The following OPRPN variants were observed in gnomAD, a reference collection of about 807,000 sequenced individuals.
The protein encoded by OPRPN is opiorphin prepropeptide.
Under a neutral mutation model 2.2 loss-of-function variants are expected in OPRPN, and 1 was observed. The observed-to-expected ratio is 0.45, with a 90% confidence interval of 0.16 to 2.15. The LOEUF is 2.15. Ranked by LOEUF, OPRPN falls within the 30% of genes most tolerant of loss-of-function variation. OPRPN has a pLI of 0.28. For synonymous variants in OPRPN, 126 were observed against 111.5 expected, an observed-to-expected ratio of 1.13 and a Z score of -0.82; for missense variants, 306 against 297.3, an observed-to-expected ratio of 1.03 and a Z score of -0.21.
intron 2 of OPRPN, among the ~76,000 whole-genome samples, chr4:70,401,994 A>T (rs1350548098): frequency 1.3e-5 from 2 of 152,176 alleles, no homozygotes; most frequent in Non-Finnish European, 2.9e-5. Flanking sequence ...AAAAAGTAAA[A>T]TAAACTTAAA....
Position 70,410,164 on chromosome 4 carries a change from C to T in OPRPN, c.*89C>T, listed in dbSNP as rs1733197216. On this transcript the variant is annotated 3_prime_UTR_variant, in exon 3 of 3. Transcript: ENST00000399575. ...TTTGATGGAACCAACCCTGATCTAA[C>T]CAGCACACTAAATAAAGTATTTGAG... The T allele has an allele frequency of 3.2e-6, 3 of 934,872 alleles. 1 individual carries two copies. The highest frequency in any genetic ancestry group is 4.6e-6 in the Non-Finnish European group (3 of 653,270). 57.9% of individuals were successfully genotyped at this position (934,872 alleles called of 1,614,324 possible).
At chr4:70,405,507 T>C (rs1016616680) in intron 2 of OPRPN, among the ~76,000 whole-genome samples, 2 of 152,222 alleles carry the variant, frequency 1.3e-5, no homozygotes, top group African/African-American at 4.8e-5. Context: ...TTTCTCTTAT[T>C]GATACCCAAG....
Position 70,409,747 on chromosome 4 carries a change from C to T in OPRPN, c.419C>T (p.Pro140Leu). 1 of 1,613,784 alleles carries T rather than the reference C, an allele frequency of 6.2e-7. No homozygotes were observed. Among genetic ancestry groups the T allele is most frequent in the African/African-American group, 1.3e-5 (1 of 74,952 alleles). Residue 140 changes from proline (P) to leucine (L), a missense_variant, in exon 3 of 3, where the codon CCT becomes CTT. By Grantham distance (98) the Pro-to-Leu change is moderately conservative (BLOSUM62 -3). Transcript: ENST00000399575. ...GCTATTTACCTTCCTATCTCTAACC[C>T]TGAGCCCCAAATAAACATCACCACC... ...FLAIYLPISN[P>L]EPQINITTAD...
chr4:70,407,982 G>A (rs1733128954), intron 2 of OPRPN, among the ~76,000 whole-genome samples: 1 of 152,096 alleles, frequency 6.6e-6, no homozygotes. Flanking sequence ...AAGTAGAAGT[G>A]AGGTATAGAT....
chr4:70,406,096 G>T (rs1030443054), intron 2 of OPRPN, among the ~76,000 whole-genome samples: 2 of 152,032 alleles, frequency 1.3e-5, no homozygotes, highest in Non-Finnish European at 2.9e-5. Flanking sequence ...AACCTCCAAC[G>T]TGCCAGAAAC....
In OPRPN at chr4:70,409,707, A is replaced by G; in HGVS notation, c.379A>G (p.Ile127Val). ...IRILKPPFPP[I>V]PFFLAIYLPI... is the part of the protein sequence containing the mutation. ...GATATTAAAACCCCCATTTCCTCCT[A>G]TTCCTTTTTTTCTTGCTATTTACCT... Residue 127 changes from isoleucine to valine, a missense_variant, in exon 3 of 3, where the codon ATT becomes GTT. Physicochemically the swap from Ile to Val is conservative, Grantham distance 29. Coordinates refer to ENST00000399575, the MANE Select transcript of OPRPN (RefSeq NM_021225.5). 6.2e-7 allele frequency: 1 copy of G among 1,613,262 alleles called. No homozygotes were observed. The highest frequency in any genetic ancestry group is 8.5e-7 in the Non-Finnish European group (1 of 1,179,522).
At position 70,409,498 on chromosome 4, in the gene OPRPN, T is replaced by G. The variant is rs1733167537; in HGVS notation, c.170T>G (p.Leu57Arg). ...CCCCCACCTCCCTATGACTCAAGAC[T>G]TAATTCACCACTTTCTCTTCCCTTT... ...PSPPPPYDSR[L>R]NSPLSLPFVP... The change falls in exon 3 of 3, where the codon CTT becomes CGT. Residue 57 changes from leucine to arginine, a missense_variant. By Grantham distance (102) the Leu-to-Arg change is moderately radical. Coordinates refer to ENST00000399575, the MANE Select transcript of OPRPN (RefSeq NM_021225.5). 6.2e-7 allele frequency: 1 copy of G among 1,614,044 alleles called. No homozygotes were observed. The highest frequency in any genetic ancestry group is 8.5e-7 in the Non-Finnish European group (1 of 1,179,958).
intron 2 of OPRPN, among the ~76,000 whole-genome samples, chr4:70,406,478 T>C (rs950867194): frequency 1.3e-5 from 2 of 152,252 alleles, no homozygotes; most frequent in Non-Finnish European, 2.9e-5. Context: ...TGATTTTATA[T>C]TGTATAAAGA....
In OPRPN at chr4:70,399,298, T is replaced by A; in HGVS notation, c.13T>A (p.Phe5Ile). The change falls in exon 2 of 3, where the codon TTC becomes ATC. Residue 5 changes from phenylalanine (F) to isoleucine (I), a missense_variant. Phe to Ile is a conservative substitution (Grantham distance 21). Coordinates refer to ENST00000399575, the MANE Select transcript of OPRPN (RefSeq NM_021225.5). ...GCAACTTTAAAGAATGAAATTAACT[T>A]TCTTCTTGGGCCTGTTGGCTCTTAT... MKLT[F>I]FLGLLALISC... 6.2e-7 allele frequency: 1 copy of A among 1,603,704 alleles called. No homozygotes were observed. The highest frequency in any genetic ancestry group is 8.5e-7 in the Non-Finnish European group (1 of 1,172,114).
At position 70,409,806 on chromosome 4, in the gene OPRPN, A is replaced by G. The variant is rs751615843; in HGVS notation, c.478A>G (p.Thr160Ala). 5.6e-6 allele frequency: 9 copies of G among 1,612,678 alleles called. No homozygotes were observed. In the South Asian group the frequency reaches 6.6e-5, roughly 12 times the overall value. Residue 160 changes from threonine (T) to alanine (A), a missense_variant, in exon 3 of 3, where the codon ACT becomes GCT. Physicochemically the swap from Thr to Ala is moderately conservative, Grantham distance 58. Transcript: ENST00000399575. ...AACAATCACCACAAATCCCCCCACC[A>G]CTGCAACAGCAACCACCAGCACTTC... ...DTTITTNPPT[T>A]ATATTSTSTK...
intron 2 of OPRPN, among the ~76,000 whole-genome samples, chr4:70,403,387 A>G (rs1733021168): frequency 6.6e-6 from 1 of 151,854 alleles, no homozygotes; most frequent in Non-Finnish European, 1.5e-5. Context: ...TTTATTTACC[A>G]AAACAGGCAA....
At position 70,405,410 on chromosome 4, in the gene OPRPN, T is replaced by C. The variant is rs115227202; in HGVS notation, c.52-3970T>C. Among the ~76,000 whole-genome samples the C allele has an allele frequency of 5.2e-3, 798 of 152,318 alleles. 9 individuals are homozygous for C. The highest frequency in any genetic ancestry group is 0.019 in the African/African-American group (775 of 41,572). ...TGCTTAGGGTCCAGAGAGCAGCTCA[T>C]TGAAGATCACTTTGAACTTAATTTC... On this transcript the variant is annotated intron_variant, in intron 2 of 2. Transcript: ENST00000399575.
At chr4:70,404,956 T>G (rs1241890734) in intron 2 of OPRPN, among the ~76,000 whole-genome samples, 1 of 152,210 alleles carries the variant, frequency 6.6e-6, no homozygotes, top group African/African-American at 2.4e-5. Flanking sequence ...TATAATCAAA[T>G]TTAAATATAG....
rs753432416 is a variant in OPRPN at position 70,409,506 on chromosome 4, C to A, written c.178C>A (p.Pro60Thr). 1 of 1,613,956 alleles carries A rather than the reference C, an allele frequency of 6.2e-7. No individual in the cohort carries two copies. Among genetic ancestry groups the A allele is most frequent in the Non-Finnish European group, 8.5e-7 (1 of 1,179,906 alleles). ...PPPYDSRLNS[P>T]LSLPFVPGRV... ...TCCCTATGACTCAAGACTTAATTCA[C>A]CACTTTCTCTTCCCTTTGTCCCAGG... The change falls in exon 3 of 3, where the codon CCA (proline) becomes ACA (threonine). Residue 60 changes from proline (P) to threonine (T), a missense_variant. Physicochemically the swap from Pro to Thr is conservative, Grantham distance 38. Coordinates refer to ENST00000399575, the MANE Select transcript of OPRPN (RefSeq NM_021225.5).
intron 2 of OPRPN, among the ~76,000 whole-genome samples, chr4:70,402,663 T>C (rs537763970): frequency 1.3e-5 from 2 of 152,106 alleles, no homozygotes; most frequent in South Asian, 4.2e-4. Flanking sequence ...GCAGAAAATT[T>C]GGGAAGAAGG....
Position 70,409,376 on chromosome 4 carries a change from A to G in OPRPN, c.52-4A>G, listed in dbSNP as rs1283938375. Reference sequence around the variant, plus strand: ...GTTTTTTACCTTTGTTTTTATCTCCACAGCCCAGTGAGAGTCAAAGATTCT... The same window carrying G: ...GTTTTTTACCTTTGTTTTTATCTCCGCAGCCCAGTGAGAGTCAAAGATTCT... On this transcript the variant is annotated splice_region_variant and splice_polypyrimidine_tract_variant and intron_variant, in intron 2 of 2. Transcript: ENST00000399575. 1 of 1,586,868 alleles carries G rather than the reference A, an allele frequency of 6.3e-7. No individual in the cohort carries two copies. Among genetic ancestry groups the G allele is most frequent in the African/African-American group, 1.4e-5 (1 of 73,604 alleles).
At chr4:70,402,326 C>T (rs1184752882) in intron 2 of OPRPN, among the ~76,000 whole-genome samples, 1 of 152,054 alleles carries the variant, frequency 6.6e-6, no homozygotes, top group East Asian at 1.9e-4. Flanking sequence ...CCCTGGTCAA[C>T]TGAGAAATCA....
chr4:70,403,348 G>A (rs77337939), intron 2 of OPRPN, among the ~76,000 whole-genome samples: 18,249 of 152,168 alleles, frequency 0.12, 1,343 homozygotes, highest in Middle Eastern at 0.21. Context: ...TACAATAAAC[G>A]AATGGGCATG....
chr4:70,408,482 T>C (rs1009361013), intron 2 of OPRPN, among the ~76,000 whole-genome samples: 3 of 152,346 alleles, frequency 2.0e-5, no homozygotes, highest in East Asian at 1.9e-4. Context: ...TTACTAAAAT[T>C]GTTACAATAT....
Sources: gnomAD v4.1 joint callset for allele counts (sites outside exome capture counted in the v4.1 genomes callset) on GRCh38, gnomAD v4.1.1 for gene constraint, MANE v1.5 for transcripts, NCBI Gene and HGNC (gene_info 2026-07-23, HGNC 2026-07-21) for gene names.